The following ANKRD6 variants were observed in gnomAD, a reference collection of about 807,000 sequenced individuals.
The protein encoded by ANKRD6 is ankyrin repeat domain 6.
ANKRD6 carries 56 observed loss-of-function variants against 82.3 expected under a neutral mutation model. That is an observed-to-expected ratio of 0.68 (90% confidence interval 0.55 to 0.85). The LOEUF is 0.85. ANKRD6 is among the 40% of genes least tolerant of loss of function. The pLI is 0.00. For missense variants in ANKRD6, 852 were observed against 907.6 expected (o/e 0.94, Z 0.79); for synonymous variants, 347 against 352.1 (o/e 0.99, Z 0.16).
rs1770191060 is a variant in ANKRD6 at position 89,433,390 on chromosome 6, CG to C, written c.-144+16del. The C allele has an allele frequency of 6.6e-6, 1 of 152,200 alleles. No individual in the cohort carries two copies. Among genetic ancestry groups the C allele is most frequent in the Non-Finnish European group, 1.5e-5 (1 of 68,056 alleles). 9.4% of individuals were successfully genotyped at this position (152,200 alleles called of 1,614,324 possible). On this transcript the variant is annotated intron_variant, in intron 1 of 15. Coordinates refer to ENST00000339746, the MANE Select transcript of ANKRD6 (RefSeq NM_001242809.2). The surrounding 1 kb of genome is among the most constrained non-coding windows in gnomAD (Gnocchi z 4.3). The stretch of plus-strand genomic sequence containing the variant: ...GGGAGAGAAAGGTACCAGGCGACCT[CG>C]CCGGCTCCCTGGGACCCCCGCTTAC...
At chr6:89,466,368 AT>A (rs1774846994) in intron 1 of ANKRD6, among the ~76,000 whole-genome samples, 1 of 152,182 alleles carries the variant, frequency 6.6e-6, no homozygotes, top group Admixed American at 6.6e-5. Context: ...GTCAAAAGAT[AT>A]TTACTTATAG....
intron 3 of ANKRD6, among the ~76,000 whole-genome samples, chr6:89,597,523 C>G (rs779813166): frequency 1.3e-5 from 2 of 152,220 alleles, no homozygotes; most frequent in African/African-American, 2.4e-5. Context: ...TGCCTCACAT[C>G]CTGGGCTCTA....
intron 1 of ANKRD6, among the ~76,000 whole-genome samples, chr6:89,521,260 T>G (rs1423045807): frequency 6.6e-6 from 1 of 152,058 alleles, no homozygotes; most frequent in Non-Finnish European, 1.5e-5. Flanking sequence ...ATCAGAGTAA[T>G]GAAAAGAATC....
chr6:89,543,631 T>A (rs1784691996), intron 1 of ANKRD6, among the ~76,000 whole-genome samples: 1 of 152,192 alleles, frequency 6.6e-6, no homozygotes, highest in African/African-American at 2.4e-5. Flanking sequence ...CAGTGAAATC[T>A]TTATCATATG....
At chr6:89,586,611 C>T (rs754305126) in intron 2 of ANKRD6, among the ~76,000 whole-genome samples, 4 of 151,694 alleles carry the variant, frequency 2.6e-5, no homozygotes, top group South Asian at 2.1e-4. Context: ...CATTTGAACC[C>T]GGGAGGTAGA....
intron 5 of ANKRD6, among the ~76,000 whole-genome samples, chr6:89,610,399 A>T (rs1027565455): frequency 1.3e-5 from 2 of 152,200 alleles, no homozygotes; most frequent in African/African-American, 2.4e-5. Context: ...TGTTTTTGAG[A>T]TTCCTCCGTG....
chr6:89,572,948 G>T (rs192950066), intron 2 of ANKRD6, among the ~76,000 whole-genome samples: 2 of 152,132 alleles, frequency 1.3e-5, no homozygotes, highest in African/African-American at 4.8e-5. Flanking sequence ...GAAAGTGTGA[G>T]CTCTTCACAG....
chr6:89,450,790 C>A (rs1772717137), intron 1 of ANKRD6, among the ~76,000 whole-genome samples: 1 of 152,046 alleles, frequency 6.6e-6, no homozygotes, highest in Admixed American at 6.5e-5. Context: ...GCGTGAGCCA[C>A]TGCACCTGGC....
In ANKRD6 at chr6:89,544,451, C is replaced by T. The variant is rs186653322; in HGVS notation, c.-143-22383C>T. 2.7e-3 allele frequency among the ~76,000 whole-genome samples: 404 copies of T among 152,352 alleles called. 10 individuals are homozygous for T. The highest frequency in any genetic ancestry group is 0.022 in the Admixed American group (336 of 15,304). On this transcript the variant is annotated intron_variant, in intron 1 of 15. Transcript: ENST00000339746. ...TGAGTCCTGTCCGGGCACAGTGGCT[C>T]ACGCCTGTAATCCCAGCACTTTGGA...
At chr6:89,622,707 T>A (rs1326194417) in intron 10 of ANKRD6, among the ~76,000 whole-genome samples, 2 of 152,130 alleles carry the variant, frequency 1.3e-5, no homozygotes, top group African/African-American at 4.8e-5. Flanking sequence ...CTCAGCTAGG[T>A]GCTCTTGTGC....
chr6:89,558,112 C>G (rs1786873789), intron 1 of ANKRD6, among the ~76,000 whole-genome samples: 1 of 152,140 alleles, frequency 6.6e-6, no homozygotes, highest in African/African-American at 2.4e-5. Context: ...TTAAACTGGT[C>G]TTTGGTGCCA....
rs61739328 is a variant in ANKRD6, at chr6:89,630,728, C to T, written c.1908C>T (p.Pro636=). The T allele has an allele frequency of 6.7e-4, 1,076 of 1,613,866 alleles. 10 individuals carry two copies. The African/African-American group carries it at 0.012, about 18-fold the overall frequency. The change falls in exon 16 of 16, where the codon CCC becomes CCT. Residue 636 remains proline, a synonymous_variant. Transcript: ENST00000339746. Reference sequence around the variant, plus strand: ...CAACAAGGCATCGTGCCCAGCAACCCGCAGCCAGCAGCACCTGTGGGCAGC... The same window carrying T: ...CAACAAGGCATCGTGCCCAGCAACCTGCAGCCAGCAGCACCTGTGGGCAGC... ...SGPTRHRAQQ[P]AASSTCGQPP... is the part of the protein sequence containing the mutation.
At chr6:89,572,334 G>C (rs1053890354) in intron 2 of ANKRD6, among the ~76,000 whole-genome samples, 1 of 152,066 alleles carries the variant, frequency 6.6e-6, no homozygotes, top group Non-Finnish European at 1.5e-5. Context: ...GTTTTGTTTT[G>C]TAAGAAACTG....
At chr6:89,556,682 A>G (rs1418432421) in intron 1 of ANKRD6, among the ~76,000 whole-genome samples, 1 of 152,252 alleles carries the variant, frequency 6.6e-6, no homozygotes, top group Non-Finnish European at 1.5e-5. Context: ...CAGTACAGCT[A>G]AAGAAGATGG....
intron 1 of ANKRD6, among the ~76,000 whole-genome samples, chr6:89,521,410 A>G (rs1781872636): frequency 1.3e-5 from 2 of 152,188 alleles, no homozygotes; most frequent in African/African-American, 4.8e-5. Context: ...GTCAGGACTC[A>G]GGAATGTGGC....
At chr6:89,521,220 G>A (rs1583060060) in intron 1 of ANKRD6, among the ~76,000 whole-genome samples, 1 of 152,326 alleles carries the variant, frequency 6.6e-6, no homozygotes, top group East Asian at 1.9e-4. Flanking sequence ...CAGCCCAGGA[G>A]ATGCCCCTTA....
intron 9 of ANKRD6, among the ~76,000 whole-genome samples, chr6:89,620,867 C>A (rs1376946765): frequency 6.6e-6 from 1 of 152,130 alleles, no homozygotes; most frequent in East Asian, 1.9e-4. Context: ...AGATCAAAAC[C>A]ATCCTGGCTA....
chr6:89,510,285 T>C (rs1780376939), intron 1 of ANKRD6, among the ~76,000 whole-genome samples: 1 of 152,218 alleles, frequency 6.6e-6, no homozygotes, highest in Admixed American at 6.5e-5. Flanking sequence ...ACAGCATAAT[T>C]TAGCCTATCT....
At chr6:89,442,636 CAAAAAA>C (rs59245345) in intron 1 of ANKRD6, among the ~76,000 whole-genome samples, 1 of 97,492 alleles carries the variant, frequency 1.0e-5, no homozygotes, top group Non-Finnish European at 2.0e-5. Context: ...AACCCTGTCT[CAAAAAA>C]AAAAAAAAAA....
Sources: allele counts gnomAD v4.1 joint callset (sites outside exome capture counted in the v4.1 genomes callset), GRCh38; gene constraint gnomAD v4.1.1; non-coding constraint Gnocchi (gnomAD v3.1); transcripts MANE v1.5; gene names NCBI Gene and HGNC (gene_info 2026-07-23, HGNC 2026-07-21).